AAK1: variants seen among roughly 807,000 people sequenced by gnomAD.
AAK1 encodes the protein AP2-associated protein kinase 1.
In AAK1, 37 loss-of-function variants were observed where a neutral mutation model predicts 116.0. The observed-to-expected ratio is 0.32, with a 90% CI of 0.25 to 0.42. AAK1 has a LOEUF of 0.42. AAK1 is among the 10% of genes least tolerant of loss of function. The pLI is 1.00. For missense variants in AAK1, 919 were observed against 1,170.6 expected (o/e 0.79, Z 3.14); for synonymous variants, 458 against 439.9 (o/e 1.04, Z -0.51).
chr2:69,465,616 A>T lies in AAK1; in HGVS notation c.*10253T>A, dbSNP rs565174367. ...GGACTTGGCTCGTCTTCTGGGCTAT[A>T]GTGACGGGAATACTTGGATAAGGAC... On this transcript the variant is annotated 3_prime_UTR_variant, in exon 22 of 22. Transcript: ENST00000409085. The T allele has an allele frequency of 4.6e-6, 6 of 1,290,940 alleles. No individual in the cohort carries two copies. In the South Asian group the frequency reaches 4.9e-5, roughly 11 times the overall value. The allele number at this position is 1,290,940 out of a possible 1,614,324, so 80.0% of individuals were successfully genotyped here.
chr2:69,549,705 C>A (rs555338140), intron 3 of AAK1, among the ~76,000 whole-genome samples: 1 of 152,338 alleles, frequency 6.6e-6, no homozygotes, highest in South Asian at 2.1e-4. Context: ...TAACTGACCA[C>A]TTAAATACCT....
intron 10 of AAK1, among the ~76,000 whole-genome samples, chr2:69,524,349 C>A (rs1196476761): frequency 3.3e-5 from 5 of 152,164 alleles, no homozygotes. Flanking sequence ...GCAGTTGGTA[C>A]CACAGGCACG....
chr2:69,618,707 TCCTA>T (rs147810096), intron 2 of AAK1, among the ~76,000 whole-genome samples: 6,781 of 152,064 alleles, frequency 0.045, 399 homozygotes, highest in East Asian at 0.16. Flanking sequence ...CCACTGCAAC[TCCTA>T]CCATCTTTCT....
chr2:69,548,585 C>T (rs1163726160), intron 3 of AAK1, among the ~76,000 whole-genome samples: 1 of 148,716 alleles, frequency 6.7e-6, no homozygotes, highest in East Asian at 2.0e-4. Flanking sequence ...TTCTCTCTCT[C>T]TCTCTTTTTC....
chr2:69,560,199 T>G (rs186412758), intron 2 of AAK1, among the ~76,000 whole-genome samples: 1 of 152,252 alleles, frequency 6.6e-6, no homozygotes, highest in Non-Finnish European at 1.5e-5. Context: ...TATCACTGTG[T>G]AGTTGGCCAA....
intron 17 of AAK1, among the ~76,000 whole-genome samples, chr2:69,495,484 T>C (rs12476268): frequency 0.13 from 19,669 of 152,158 alleles, 1,497 homozygotes; most frequent in Non-Finnish European, 0.16. Flanking sequence ...TGACGCACAT[T>C]CCCTATTAAT....
intron 10 of AAK1, among the ~76,000 whole-genome samples, chr2:69,524,617 T>TAG (rs10670317): frequency 0.98 from 148,574 of 152,028 alleles, 72,615 homozygotes; most frequent in East Asian, 1. Context: ...GTATTTTTAG[T>TAG]AGATGGGATT....
At chr2:69,477,020 A>G (rs759065204) in intron 20 of AAK1, 30 bp from the exon 21 acceptor site, 24 of 1,487,866 alleles carry the variant, frequency 1.6e-5, no homozygotes, top group Non-Finnish European at 2.0e-5. Flanking sequence ...ACACAAGCAG[A>G]AACAACAGAG....
intron 12 of AAK1, among the ~76,000 whole-genome samples, chr2:69,515,056 C>T (rs1045592865): frequency 1.3e-5 from 2 of 152,146 alleles, no homozygotes; most frequent in Admixed American, 6.5e-5. Flanking sequence ...TCATGTGACT[C>T]CATAAGCTAG....
chr2:69,582,083 T>C (rs949015253), intron 2 of AAK1, among the ~76,000 whole-genome samples: 20 of 152,338 alleles, frequency 1.3e-4, no homozygotes, highest in African/African-American at 3.8e-4. Context: ...CATAAGCTAC[T>C]TATTAAGTAC....
At position 69,504,351 on chromosome 2, in the gene AAK1, CTG is replaced by C. The variant is rs532984365; in HGVS notation, c.2269+1216_2269+1217del. Among the ~76,000 whole-genome samples, 15 of 136,590 alleles carry C rather than the reference CTG, an allele frequency of 1.1e-4. No homozygotes were observed. The East Asian group carries it at 3.0e-3, about 28-fold the overall frequency. The allele number at this position is 136,590 out of a possible 152,430, so 89.6% of individuals were successfully genotyped here. A position where few individuals can be genotyped will look rare whatever the true frequency, so the allele number is the denominator to read the frequency against. The stretch of plus-strand genomic sequence containing the variant: ...AGGCAGAGTTTGCAGTGAGCCGAGA[CTG>C]TGCCACTGCACTCCAGCCTGGGCGA... On this transcript the variant is annotated intron_variant, in intron 16 of 21. Coordinates refer to ENST00000409085, the MANE Select transcript of AAK1 (RefSeq NM_014911.5).
intron 2 of AAK1, among the ~76,000 whole-genome samples, chr2:69,560,415 G>C (rs764103733): frequency 2.0e-5 from 3 of 152,232 alleles, no homozygotes; most frequent in Non-Finnish European, 2.9e-5. Context: ...CCAAGATCTA[G>C]ATTAAAAGGA....
chr2:69,486,060 T>A (rs1675288706), intron 17 of AAK1, among the ~76,000 whole-genome samples: 1 of 151,844 alleles, frequency 6.6e-6, no homozygotes. Context: ...GCTCAACAGA[T>A]CCTTCAGCCG....
At chr2:69,490,923 C>CCACACACACA (rs58662760) in intron 17 of AAK1, among the ~76,000 whole-genome samples, 4,184 of 147,696 alleles carry the variant, frequency 0.028, 170 homozygotes, top group African/African-American at 0.096. Flanking sequence ...GTGTGTGTAC[C>CCACACACACA]CACACACACA....
intron 2 of AAK1, among the ~76,000 whole-genome samples, chr2:69,612,942 T>C (rs1262794103): frequency 6.6e-6 from 1 of 152,192 alleles, no homozygotes. Context: ...TCAGTGTCCT[T>C]AGGGGAAAGC....
At chr2:69,640,662 CA>C (rs1290525752) in intron 2 of AAK1, among the ~76,000 whole-genome samples, 1 of 152,170 alleles carries the variant, frequency 6.6e-6, no homozygotes, top group Admixed American at 6.5e-5. Flanking sequence ...CTAAGAGCCA[CA>C]AATTCAAACT....
rs1197344111 is a variant in AAK1 at position 69,552,233 on chromosome 2, T to C, written c.282+4627A>G. On this transcript the variant is annotated intron_variant, in intron 3 of 21. Coordinates refer to ENST00000409085, the MANE Select transcript of AAK1 (RefSeq NM_014911.5). ...AGGCTGTGTGGTATTGGTAGAAGGA[T>C]AGGTACATAGATTAATGGAAGGGAA... is the stretch of plus-strand genomic sequence containing the variant. Among the ~76,000 whole-genome samples, 17 of 152,094 alleles carry C rather than the reference T, an allele frequency of 1.1e-4. 1 individual carries two copies. The highest frequency in any genetic ancestry group is 1.1e-3 in the Admixed American group (17 of 15,266).
intron 2 of AAK1, among the ~76,000 whole-genome samples, chr2:69,572,672 T>C (rs927212502): frequency 3.3e-5 from 5 of 150,764 alleles, no homozygotes; most frequent in Non-Finnish European, 7.4e-5. Context: ...TCTTGATTAC[T>C]GAGTCTTGAG....
At chr2:69,630,898 T>A (rs1675146136) in intron 2 of AAK1, among the ~76,000 whole-genome samples, 1 of 152,222 alleles carries the variant, frequency 6.6e-6, no homozygotes, top group Non-Finnish European at 1.5e-5. Context: ...TTTCTTCCAG[T>A]GCTGCCCCCT....
Sources: gnomAD v4.1 joint callset for allele counts (sites outside exome capture counted in the v4.1 genomes callset) on GRCh38, gnomAD v4.1.1 for gene constraint, MANE v1.5 for transcripts, NCBI Gene and HGNC (gene_info 2026-07-23, HGNC 2026-07-21) for gene names.